The following AVEN variants were observed in gnomAD, a reference collection of about 807,000 sequenced individuals.
AVEN encodes cell death regulator Aven.
A neutral mutation model predicts 38.1 loss-of-function variants in AVEN; 41 were observed. That is an observed-to-expected ratio of 1.08 (90% CI 0.84 to 1.40). The LOEUF is 1.40. Among genes scored for constraint, AVEN ranks in the 40% most tolerant of loss-of-function variants. The pLI is 0.00. For missense variants in AVEN, 605 were observed against 438.8 expected, an observed-to-expected ratio of 1.38 and a Z score of -3.38; for synonymous variants, 206 against 171.8, an observed-to-expected ratio of 1.20 and a Z score of -1.56.
chr15:33,865,059 G>GAACAAA, downstream of AVEN: 1 of 1,208,324 alleles, frequency 8.3e-7, no homozygotes, highest in Admixed American at 1.8e-5. Context: ...GAGCCACAAA[G>GAACAAA]AACAAAAACA....
intron 1 of AVEN, among the ~76,000 whole-genome samples, chr15:34,011,361 AAT>A (rs1897629231): frequency 1.3e-5 from 2 of 152,210 alleles, no homozygotes; most frequent in South Asian, 4.1e-4. Context: ...TATTAAATAA[AAT>A]ATATGTTGTA....
In AVEN at chr15:33,966,143, T is replaced by C. The variant is rs181579987; in HGVS notation, c.445+36889A>G. Among the ~76,000 whole-genome samples the C allele has an allele frequency of 1.4e-3, 211 of 152,280 alleles. 1 individual carries two copies. The highest frequency in any genetic ancestry group is 5.0e-3 in the African/African-American group (209 of 41,582). ...TAATCTATTATTCCAGTTCCCTCTA[T>C]AACCACTTTTTCACCCACCCTACAA... On this transcript the variant is annotated intron_variant, in intron 2 of 5. Coordinates refer to ENST00000306730, the MANE Select transcript of AVEN (RefSeq NM_020371.3).
chr15:33,885,214 C>T (rs997019485), intron 2 of AVEN, among the ~76,000 whole-genome samples: 2 of 152,110 alleles, frequency 1.3e-5, no homozygotes, highest in South Asian at 2.1e-4. Flanking sequence ...CAATAGTCAC[C>T]GCAATGGCTG....
chr15:34,008,288 G>C (rs1597342909), intron 1 of AVEN, among the ~76,000 whole-genome samples: 1 of 151,970 alleles, frequency 6.6e-6, no homozygotes, highest in South Asian at 2.1e-4. Context: ...AGGTATGGTG[G>C]TGTACCTCTG....
chr15:33,873,125 G>A (rs1169728876), intron 3 of AVEN, among the ~76,000 whole-genome samples: 1 of 97,218 alleles, frequency 1.0e-5, no homozygotes, highest in Non-Finnish European at 1.9e-5. Flanking sequence ...TTTTTGAGAT[G>A]GAGTCTCTCT....
intron 2 of AVEN, among the ~76,000 whole-genome samples, chr15:33,989,600 A>G (rs1440353610): frequency 6.6e-6 from 1 of 152,076 alleles, no homozygotes; most frequent in East Asian, 1.9e-4. Context: ...CAATACTAAC[A>G]CTACAGCCGT....
At chr15:33,883,424 A>T (rs1891573755) in intron 2 of AVEN, among the ~76,000 whole-genome samples, 1 of 152,128 alleles carries the variant, frequency 6.6e-6, no homozygotes, top group African/African-American at 2.4e-5. Context: ...AATATTGATC[A>T]TTTGGCCAAA....
At chr15:34,020,304 C>T (rs867536344) in intron 1 of AVEN, among the ~76,000 whole-genome samples, 2 of 110,054 alleles carry the variant, frequency 1.8e-5, no homozygotes, top group African/African-American at 2.5e-5. Flanking sequence ...GAGCGAGACT[C>T]CATCTCAAAA....
At chr15:33,899,468 T>A in intron 2 of AVEN, among the ~76,000 whole-genome samples, 1 of 22,496 alleles carries the variant, frequency 4.4e-5, no homozygotes, top group South Asian at 1.4e-3. Context: ...ACCTTTTTTT[T>A]TTTTTTTTTT....
chr15:33,898,048 G>A (rs1007455822), intron 2 of AVEN, among the ~76,000 whole-genome samples: 1 of 152,072 alleles, frequency 6.6e-6, no homozygotes, highest in Non-Finnish European at 1.5e-5. Flanking sequence ...AATTAGCTGG[G>A]CGTGGTGGTG....
At chr15:33,992,246 T>C (rs757026576) in intron 2 of AVEN, among the ~76,000 whole-genome samples, 98 of 152,146 alleles carry the variant, frequency 6.4e-4, no homozygotes, top group Non-Finnish European at 1.0e-3. Flanking sequence ...AACAGTTAGC[T>C]GGGCGTGGTG....
chr15:33,890,478 T>C (rs1354113659), intron 2 of AVEN, among the ~76,000 whole-genome samples: 1 of 152,180 alleles, frequency 6.6e-6, no homozygotes, highest in Non-Finnish European at 1.5e-5. Flanking sequence ...CAGTAGTCTA[T>C]GTGCCATAAA....
At chr15:34,040,275 A>G (rs752827450), upstream of AVEN, among the ~76,000 whole-genome samples, 5 of 152,220 alleles carry the variant, frequency 3.3e-5, no homozygotes, top group Non-Finnish European at 7.3e-5. Flanking sequence ...GAGTGCAGTG[A>G]GAGATTCAAG....
intron 2 of AVEN, among the ~76,000 whole-genome samples, chr15:33,903,384 T>C (rs1466534048): frequency 6.6e-6 from 1 of 152,180 alleles, no homozygotes; most frequent in African/African-American, 2.4e-5. Context: ...ATACTAGCCT[T>C]CCTTCTAGTT....
intron 2 of AVEN, among the ~76,000 whole-genome samples, chr15:33,949,822 T>C (rs1597264225): frequency 6.6e-6 from 1 of 152,288 alleles, no homozygotes; most frequent in African/African-American, 2.4e-5. Flanking sequence ...CCTCAAAATA[T>C]TAAAATGGGA....
At chr15:34,017,749 G>A (rs1898004549) in intron 1 of AVEN, among the ~76,000 whole-genome samples, 1 of 151,990 alleles carries the variant, frequency 6.6e-6, no homozygotes, top group South Asian at 2.1e-4. Flanking sequence ...CAAAGTGCTG[G>A]GATTACAGGA....
At chr15:34,055,940 C>T (rs972964727) in intron 5 of AVEN, among the ~76,000 whole-genome samples, 1 of 152,100 alleles carries the variant, frequency 6.6e-6, no homozygotes, top group Non-Finnish European at 1.5e-5. Flanking sequence ...ATTACAAAAT[C>T]CTGGTGACCT....
In AVEN at chr15:34,038,900, T is replaced by C. The variant is rs1215448226; in HGVS notation, c.147A>G (p.Gly49=). Residue 49 remains glycine (G), a synonymous_variant, in exon 1 of 6, where the codon GGA becomes GGG. Transcript: ENST00000306730. ...GGGGGGGDGG[G]RRGRGRGRGF... is the part of the protein sequence containing the mutation. ...CCCGGCCACGGCCACGGCCCCGGCG[T>C]CCGCCTCCGTCCCCGCCGCCGCCTC... 4 of 1,121,412 alleles carry C rather than the reference T, an allele frequency of 3.6e-6. No homozygotes were observed. The highest frequency in any genetic ancestry group is 4.3e-6 in the Non-Finnish European group (4 of 924,050). 69.5% of individuals were successfully genotyped at this position (1,121,412 alleles called of 1,614,324 possible).
intron 2 of AVEN, among the ~76,000 whole-genome samples, chr15:34,000,106 G>GCT: frequency 6.6e-6 from 1 of 152,136 alleles, no homozygotes; most frequent in Admixed American, 6.5e-5. Flanking sequence ...ATCCTCACTT[G>GCT]CTCCCTCACC....
Sources: gnomAD v4.1 joint callset for allele counts (sites outside exome capture counted in the v4.1 genomes callset) on GRCh38, gnomAD v4.1.1 for gene constraint, MANE v1.5 for transcripts, NCBI Gene and HGNC (gene_info 2026-07-23, HGNC 2026-07-21) for gene names.